LAMC2: variants seen among roughly 807,000 people sequenced by gnomAD.
The protein encoded by LAMC2 is laminin subunit gamma 2, also known as laminin subunit gamma-2.
Under a neutral mutation model 140.2 loss-of-function variants are expected in LAMC2, and 97 were observed. The observed-to-expected ratio is 0.69, with a 90% CI of 0.59 to 0.82. The LOEUF is 0.82. Ranked by LOEUF, LAMC2 falls within the 40% of genes least tolerant of loss-of-function variation. The pLI, the probability that LAMC2 is intolerant of heterozygous loss-of-function variation, is 0.00. For synonymous variants in LAMC2, 513 were observed against 540.2 expected (o/e 0.95, Z 0.70); for missense variants, 1,402 against 1,476.1 (o/e 0.95, Z 0.82).
intron 2 of LAMC2, among the ~76,000 whole-genome samples, chr1:183,213,748 CAAAAAA>C (rs529019896): frequency 2.9e-5 from 2 of 68,186 alleles, no homozygotes; most frequent in South Asian, 5.7e-4. Context: ...TGCAGTGAGC[CAAAAAA>C]AAAAAAAAAA....
intron 18 of LAMC2, among the ~76,000 whole-genome samples, chr1:183,237,967 C>T (rs1360770738): frequency 2.0e-5 from 3 of 152,150 alleles, no homozygotes; most frequent in Admixed American, 2.0e-4. Flanking sequence ...CAGTTCCACC[C>T]AGTCGGTCAG....
intron 9 of LAMC2, 89 bp from the exon 10 acceptor site, chr1:183,227,426 T>G: frequency 1.6e-6 from 2 of 1,276,394 alleles, no homozygotes; most frequent in Non-Finnish European, 2.3e-6. Context: ...AGGAAGGCTT[T>G]GACATTCTAC....
rs972910693 is a variant in LAMC2 at position 183,245,036 on chromosome 1, C to T, written c.*1636C>T. 6 of 152,148 alleles carry T rather than the reference C, an allele frequency of 3.9e-5. No homozygotes were observed. The highest frequency in any genetic ancestry group is 9.7e-5 in the African/African-American group (4 of 41,434). 9.4% of individuals were successfully genotyped at this position (152,148 alleles called of 1,614,324 possible). A position where few individuals can be genotyped will look rare whatever the true frequency, so the allele number is the denominator to read the frequency against. On this transcript the variant is annotated 3_prime_UTR_variant, in exon 23 of 23. Coordinates refer to ENST00000264144, the MANE Select transcript of LAMC2 (RefSeq NM_005562.3). ...GTTCCCACTTCTGAGCATCTTACTT[C>T]GCCCATTCCAACCATACAGGATTGA...
chr1:183,195,284 A>C lies in LAMC2; in HGVS notation c.79+8853A>C, dbSNP rs78859052. 2.6e-3 allele frequency among the ~76,000 whole-genome samples: 402 copies of C among 152,080 alleles called. 1 individual carries two copies. The highest frequency in any genetic ancestry group is 9.4e-3 in the African/African-American group (389 of 41,470). ...AGTCATCTACAGTTCACACGGGTAC[A>C]TTCCCAAGTCTAGGCTGTGATATAA... On this transcript the variant is annotated intron_variant, in intron 1 of 22. Coordinates refer to ENST00000264144, the MANE Select transcript of LAMC2 (RefSeq NM_005562.3).
chr1:183,236,312 G>A (rs149904078), intron 16 of LAMC2, 148 bp from the exon 17 acceptor site: 76 of 718,660 alleles, frequency 1.1e-4, no homozygotes, highest in African/African-American at 1.6e-4. Context: ...TTGCTTGAGC[G>A]TGGGAGGATG....
rs546695098 is a variant in LAMC2, at chr1:183,237,628, C to G, written c.2754+124C>G. 4.6e-5 allele frequency: 48 copies of G among 1,043,780 alleles called. No homozygotes were observed. The African/African-American group carries it at 7.2e-4, about 16-fold the overall frequency. 64.7% of individuals were successfully genotyped at this position (1,043,780 alleles called of 1,614,324 possible). A position where few individuals can be genotyped will look rare whatever the true frequency, so the allele number is the denominator to read the frequency against. ...GCACGGTGACTTATCCCTGTAATCC[C>G]CGCACTTTTGGAGGCCAAGCCAGGA... is the stretch of plus-strand genomic sequence containing the variant. On this transcript the variant is annotated intron_variant, in intron 18 of 22. Coordinates refer to ENST00000264144, the MANE Select transcript of LAMC2 (RefSeq NM_005562.3).
chr1:183,257,251 G>A, the LAMC2 span, among the ~76,000 whole-genome samples: 4 of 151,984 alleles, frequency 2.6e-5, no homozygotes, highest in Admixed American at 1.3e-4. Context: ...GACCAGCCTG[G>A]CCAACATAGT....
chr1:183,211,629 G>A (rs1659072119), intron 2 of LAMC2, among the ~76,000 whole-genome samples: 1 of 152,120 alleles, frequency 6.6e-6, no homozygotes, highest in African/African-American at 2.4e-5. Context: ...TCCTGCCTCA[G>A]CCTCCTGAGT....
chr1:183,189,161 G>A (rs192821675), intron 1 of LAMC2, among the ~76,000 whole-genome samples: 23 of 152,308 alleles, frequency 1.5e-4, no homozygotes, highest in African/African-American at 4.8e-4. Flanking sequence ...AAAGAATGTG[G>A]TGATCCAATA....
chr1:183,225,490 C>T, intron 7 of LAMC2, 118 bp from the exon 8 acceptor site: 2 of 767,050 alleles, frequency 2.6e-6, no homozygotes, highest in Non-Finnish European at 4.7e-6. Context: ...TCCTATGCCC[C>T]CTTCTAAGCA....
chr1:183,240,556 A>T, intron 22 of LAMC2, 165 bp downstream of exon 22: 1 of 1,449,090 alleles, frequency 6.9e-7, no homozygotes, highest in Non-Finnish European at 9.0e-7. Context: ...AGGTTCCCTT[A>T]CATTTACTGG....
At chr1:183,253,276 T>A in the LAMC2 span, among the ~76,000 whole-genome samples, 1 of 148,000 alleles carries the variant, frequency 6.8e-6, no homozygotes, top group African/African-American at 2.5e-5. Flanking sequence ...CTATATTATA[T>A]TATTTATATA....
chr1:183,217,524 A>G (rs1659311562), intron 3 of LAMC2, among the ~76,000 whole-genome samples: 1 of 152,254 alleles, frequency 6.6e-6, no homozygotes, highest in African/African-American at 2.4e-5. Flanking sequence ...AAGTGAAAAC[A>G]GTAACCAAAA....
the LAMC2 span, chr1:183,252,754 A>G: frequency 1.2e-6 from 2 of 1,605,406 alleles, no homozygotes; most frequent in Middle Eastern, 1.7e-4. Flanking sequence ...CTGCACAAGA[A>G]GAGATGACAA....
the LAMC2 span, among the ~76,000 whole-genome samples, chr1:183,254,235 CTCA>C: frequency 1.3e-5 from 2 of 152,160 alleles, no homozygotes; most frequent in Non-Finnish European, 2.9e-5. Flanking sequence ...TCTCCACACC[CTCA>C]TCGACATTTG....
At chr1:183,231,542 A>C (rs1659801875) in intron 12 of LAMC2, among the ~76,000 whole-genome samples, 1 of 152,244 alleles carries the variant, frequency 6.6e-6, no homozygotes, top group Non-Finnish European at 1.5e-5. Context: ...TCTTTTCAAC[A>C]GATGTCTTTG....
chr1:183,229,457 T>C (rs1461734309), intron 11 of LAMC2, among the ~76,000 whole-genome samples: 1 of 151,850 alleles, frequency 6.6e-6, no homozygotes, highest in South Asian at 2.1e-4. Flanking sequence ...GCCAACATGG[T>C]GAAACCCCAT....
intron 22 of LAMC2, among the ~76,000 whole-genome samples, chr1:183,241,907 A>C (rs1660145166): frequency 1.3e-5 from 2 of 152,172 alleles, no homozygotes; most frequent in South Asian, 4.1e-4. Flanking sequence ...AGAATATGAG[A>C]GAGTAGGGAG....
At chr1:183,213,535 G>A (rs1477730929) in intron 2 of LAMC2, among the ~76,000 whole-genome samples, 1 of 152,092 alleles carries the variant, frequency 6.6e-6, no homozygotes, top group African/African-American at 2.4e-5. Flanking sequence ...GGTGCCCTGG[G>A]TCATGCCTAT....
Sources: gnomAD v4.1 joint callset for allele counts (sites outside exome capture counted in the v4.1 genomes callset) on GRCh38, gnomAD v4.1.1 for gene constraint, MANE v1.5 for transcripts, NCBI Gene and HGNC (gene_info 2026-07-23, HGNC 2026-07-21) for gene names.